AGBL4: variants seen among roughly 807,000 people sequenced by gnomAD.
The protein encoded by AGBL4 is AGBL carboxypeptidase 4.
AGBL4 carries 58 observed loss-of-function variants against 66.4 expected under a neutral mutation model. That is an observed-to-expected ratio of 0.87 (90% CI 0.71 to 1.09). The LOEUF (loss-of-function observed/expected upper bound fraction) is 1.09, where lower values mean the gene tolerates loss of function less well. Ranked by LOEUF, AGBL4 falls within the 50% of genes least tolerant of loss-of-function variation. AGBL4 has a pLI of 0.00. For synonymous variants in AGBL4, 234 were observed against 222.9 expected (o/e 1.05, Z -0.44); for missense variants, 579 against 631.0 (o/e 0.92, Z 0.88).
chr1:49,801,205 G>T (rs1003965741), intron 2 of AGBL4, among the ~76,000 whole-genome samples: 1 of 152,132 alleles, frequency 6.6e-6, no homozygotes, highest in South Asian at 2.1e-4. Flanking sequence ...AAAAACTTTG[G>T]ATGGTCTCTA....
chr1:48,755,500 C>T (rs1448964128), intron 6 of AGBL4, among the ~76,000 whole-genome samples: 2 of 152,202 alleles, frequency 1.3e-5, no homozygotes, highest in African/African-American at 4.8e-5. Context: ...CCAGGAGCAA[C>T]ACTCAAATGA....
chr1:48,604,040 C>A (rs942749890), intron 9 of AGBL4, among the ~76,000 whole-genome samples: 4 of 151,908 alleles, frequency 2.6e-5, no homozygotes, highest in Non-Finnish European at 1.5e-5. Flanking sequence ...GGCTGAGGCA[C>A]GAGAATTGCT....
intron 4 of AGBL4, among the ~76,000 whole-genome samples, chr1:49,055,813 T>G (rs1644298460): frequency 6.6e-6 from 1 of 152,156 alleles, no homozygotes; most frequent in Admixed American, 6.5e-5. Flanking sequence ...AAAACTAGAT[T>G]TTGAAAATAA....
At chr1:48,977,017 A>G (rs922442944) in intron 5 of AGBL4, among the ~76,000 whole-genome samples, 7 of 152,044 alleles carry the variant, frequency 4.6e-5, no homozygotes, top group Admixed American at 1.3e-4. Context: ...TGTTTTCTAC[A>G]GTGTCCCTAA....
intron 6 of AGBL4, among the ~76,000 whole-genome samples, chr1:48,852,448 T>G: frequency 6.6e-6 from 1 of 152,172 alleles, no homozygotes. Context: ...GGTCCTAATC[T>G]CTAGGAACTC....
intron 3 of AGBL4, among the ~76,000 whole-genome samples, chr1:49,346,374 T>C (rs917209588): frequency 1.1e-4 from 17 of 152,304 alleles, no homozygotes; most frequent in Non-Finnish European, 1.8e-4. Flanking sequence ...TAGATCAGTA[T>C]TGTAATTCTG....
At chr1:49,012,167 G>C (rs1446959173) in intron 5 of AGBL4, among the ~76,000 whole-genome samples, 5 of 152,086 alleles carry the variant, frequency 3.3e-5, no homozygotes, top group African/African-American at 4.8e-5. Context: ...TCTGTGTGGA[G>C]GCCGTTCAGA....
intron 4 of AGBL4, among the ~76,000 whole-genome samples, chr1:49,153,116 T>G (rs534875818): frequency 1.3e-5 from 2 of 152,124 alleles, no homozygotes; most frequent in Non-Finnish European, 2.9e-5. Context: ...ACCTGGATTC[T>G]CCACTACAAG....
intron 1 of AGBL4, among the ~76,000 whole-genome samples, chr1:49,880,108 G>T (rs1186778897): frequency 6.6e-6 from 1 of 151,806 alleles, no homozygotes; most frequent in African/African-American, 2.4e-5. Context: ...TGGTTTGAAT[G>T]TCCTCCCGTA....
intron 5 of AGBL4, among the ~76,000 whole-genome samples, chr1:48,879,536 A>C (rs1230203062): frequency 6.6e-6 from 1 of 151,666 alleles, no homozygotes; most frequent in Non-Finnish European, 1.5e-5. Flanking sequence ...CCCTTGCCTA[A>C]CTTTCCTAAC....
At chr1:49,805,900 T>G (rs1644966180) in intron 2 of AGBL4, among the ~76,000 whole-genome samples, 1 of 152,220 alleles carries the variant, frequency 6.6e-6, no homozygotes, top group Non-Finnish European at 1.5e-5. Context: ...CCTCTGGAAC[T>G]GTGAGAAATA....
At chr1:49,124,773 T>G (rs566525131) in intron 4 of AGBL4, among the ~76,000 whole-genome samples, 1 of 152,214 alleles carries the variant, frequency 6.6e-6, no homozygotes, top group South Asian at 2.1e-4. Context: ...GCTCCAACTA[T>G]CTCTGAAATT....
chr1:48,593,454 T>C (rs1277350270), intron 9 of AGBL4, among the ~76,000 whole-genome samples: 1 of 152,256 alleles, frequency 6.6e-6, no homozygotes, highest in African/African-American at 2.4e-5. Flanking sequence ...CACAATTGTA[T>C]GTAAAATAAA....
At chr1:49,716,313 A>G (rs566516663) in intron 2 of AGBL4, among the ~76,000 whole-genome samples, 3 of 151,978 alleles carry the variant, frequency 2.0e-5, no homozygotes, top group African/African-American at 7.2e-5. Context: ...TGGTCTATAT[A>G]TCTGTTTTGG....
chr1:49,101,283 G>T (rs527638535), intron 4 of AGBL4, among the ~76,000 whole-genome samples: 115 of 151,892 alleles, frequency 7.6e-4, no homozygotes, highest in Non-Finnish European at 1.2e-3. Context: ...CGCCTCCCAG[G>T]TTCAATCTAT....
chr1:48,593,986 T>C (rs1319581347), intron 9 of AGBL4, among the ~76,000 whole-genome samples: 1 of 152,164 alleles, frequency 6.6e-6, no homozygotes, highest in East Asian at 1.9e-4. Context: ...CTTAGTACTG[T>C]ATAATTATCT....
At chr1:48,692,474 G>A (rs1269380154) in intron 6 of AGBL4, among the ~76,000 whole-genome samples, 3 of 152,170 alleles carry the variant, frequency 2.0e-5, no homozygotes, top group East Asian at 1.9e-4. Flanking sequence ...TGCAGGAGGC[G>A]GAAAGAAGTC....
chr1:49,889,203 G>A (rs961588854), intron 1 of AGBL4, among the ~76,000 whole-genome samples: 1 of 152,120 alleles, frequency 6.6e-6, no homozygotes, highest in Admixed American at 6.5e-5. Context: ...GCCAAGTGTG[G>A]TGGTACCCAT....
intron 1 of AGBL4, among the ~76,000 whole-genome samples, chr1:50,003,907 C>T (rs1660944556): frequency 6.6e-6 from 1 of 152,128 alleles, no homozygotes; most frequent in African/African-American, 2.4e-5. Flanking sequence ...AATCATCCTT[C>T]CCACAGGAAC....
Sources: gnomAD v4.1 joint callset for allele counts (sites outside exome capture counted in the v4.1 genomes callset) on GRCh38, gnomAD v4.1.1 for gene constraint, MANE v1.5 for transcripts, NCBI Gene and HGNC (gene_info 2026-07-23, HGNC 2026-07-21) for gene names.